The following SPATA18 variants were observed in gnomAD, a reference collection of about 807,000 sequenced individuals.
The protein encoded by SPATA18 is spermatogenesis associated 18, also known as mitochondria-eating protein.
Under a neutral mutation model 68.1 loss-of-function variants are expected in SPATA18, and 54 were observed. The ratio of observed to expected loss-of-function variants is 0.79; its 90% CI spans 0.64 to 0.99. The LOEUF is 0.99. Among genes scored for constraint, SPATA18 ranks in the 50% least tolerant of loss-of-function variants. SPATA18 has a pLI of 0.00. For synonymous variants in SPATA18, 242 were observed against 244.8 expected (o/e 0.99, Z 0.11); for missense variants, 724 against 681.1 (o/e 1.06, Z -0.70).
Position 52,096,010 on chromosome 4 carries a change from A to G in SPATA18, c.*1123A>G, listed in dbSNP as rs1356301986. On this transcript the variant is annotated 3_prime_UTR_variant, in exon 13 of 13. Coordinates refer to ENST00000295213, the MANE Select transcript of SPATA18 (RefSeq NM_145263.4). ...CTTTCTCCACATACCTTTGAGAGAG[A>G]CACTGAATTGGCCTCAGCTCAGTTT... 6.6e-6 allele frequency: 1 copy of G among 152,122 alleles called. No homozygotes were observed. Among genetic ancestry groups the G allele is most frequent in the Admixed American group, 6.6e-5 (1 of 15,240 alleles). The allele number at this position is 152,122 out of a possible 1,614,324, so 9.4% of individuals were successfully genotyped here.
rs755938763 is a variant in SPATA18 at position 52,077,055 on chromosome 4, C to T, written c.1020+15C>T. On this transcript the variant is annotated intron_variant, in intron 7 of 12. Transcript: ENST00000295213. ...TCGCCACAGTGGTATGTGACGCCTGCGGGACTCCCGGCTCCTTAGGGCAGC... is the reference window on the plus strand; with the variant it reads ...TCGCCACAGTGGTATGTGACGCCTGTGGGACTCCCGGCTCCTTAGGGCAGC... 5.1e-6 allele frequency: 8 copies of T among 1,579,030 alleles called. No homozygotes were observed. The African/African-American group carries it at 9.5e-5, about 19-fold the overall frequency.
chr4:52,059,798 T>C (rs1738669129), intron 1 of SPATA18, among the ~76,000 whole-genome samples: 1 of 152,244 alleles, frequency 6.6e-6, no homozygotes, highest in African/African-American at 2.4e-5. Context: ...ATGTTCTCTA[T>C]GCATATATAA....
intron 11 of SPATA18, among the ~76,000 whole-genome samples, chr4:52,093,760 C>A (rs909800304): frequency 5.3e-5 from 8 of 152,204 alleles, no homozygotes; most frequent in African/African-American, 1.9e-4. Context: ...CCTATACCTT[C>A]TCTTTCTTTC....
At chr4:52,065,760 A>C (rs1172107772) in intron 4 of SPATA18, among the ~76,000 whole-genome samples, 4 of 152,202 alleles carry the variant, frequency 2.6e-5, no homozygotes, top group African/African-American at 9.6e-5. Context: ...CTAACCTTGT[A>C]GAGACTGCTT....
In SPATA18 at chr4:52,051,600, A is replaced by C; in HGVS notation, c.-105A>C. The C allele has an allele frequency of 1.8e-5, 19 of 1,083,836 alleles. No homozygotes were observed. Among genetic ancestry groups the C allele is most frequent in the Non-Finnish European group, 2.6e-5 (18 of 705,600 alleles). The allele number at this position is 1,083,836 out of a possible 1,614,324, so 67.1% of individuals were successfully genotyped here. A position where few individuals can be genotyped will look rare whatever the true frequency, so the allele number is the denominator to read the frequency against. ...CCTGCCGCGCTCTGAGCCCCCCAGA[A>C]GAGAACACCCTTCCCGCCATATCAC... On this transcript the variant is annotated 5_prime_UTR_variant, in exon 1 of 13. Coordinates refer to ENST00000295213, the MANE Select transcript of SPATA18 (RefSeq NM_145263.4).
At position 52,077,000 on chromosome 4, in the gene SPATA18, A is replaced by G. The variant is rs1196687998; in HGVS notation, c.980A>G (p.Lys327Arg). 2 of 1,612,186 alleles carry G rather than the reference A, an allele frequency of 1.2e-6. No homozygotes were observed. The highest frequency in any genetic ancestry group is 2.7e-5 in the African/African-American group (2 of 75,010). The change falls in exon 7 of 13, where the codon AAG becomes AGG. Residue 327 changes from lysine to arginine, a missense_variant. Transcript: ENST00000295213. Reference protein sequence around the residue: ...AQCLLRRCIDKAETVQRIIYI... With the variant: ...AQCLLRRCIDRAETVQRIIYI... ...TGCCTGCTGCGGCGCTGCATCGACA[A>G]GGCTGAGACCGTTCAGCGGATCATC...
intron 1 of SPATA18, among the ~76,000 whole-genome samples, chr4:52,055,632 T>C (rs1738271414): frequency 6.6e-6 from 1 of 152,196 alleles, no homozygotes; most frequent in Non-Finnish European, 1.5e-5. Flanking sequence ...TGGTTATCAA[T>C]CTTCATTGCA....
chr4:52,055,769 G>A (rs1281548890), intron 1 of SPATA18, among the ~76,000 whole-genome samples: 1 of 152,136 alleles, frequency 6.6e-6, no homozygotes, highest in East Asian at 1.9e-4. Flanking sequence ...AAACTTCGTG[G>A]CCCTTACCAG....
At chr4:52,068,390 A>G (rs1426166307) in intron 4 of SPATA18, among the ~76,000 whole-genome samples, 3 of 152,230 alleles carry the variant, frequency 2.0e-5, no homozygotes, top group African/African-American at 7.2e-5. Context: ...GATAGAGATG[A>G]ATAAAATAAA....
At chr4:52,081,001 C>T (rs1336240217) in intron 9 of SPATA18, among the ~76,000 whole-genome samples, 1 of 152,166 alleles carries the variant, frequency 6.6e-6, no homozygotes, top group Non-Finnish European at 1.5e-5. Context: ...ATTTTCTTGC[C>T]ATTGTCTTGC....
chr4:52,055,871 G>A (rs749464072), intron 1 of SPATA18, among the ~76,000 whole-genome samples: 1 of 152,070 alleles, frequency 6.6e-6, no homozygotes, highest in Non-Finnish European at 1.5e-5. Context: ...GTTTATCTTA[G>A]ACTCTAAATT....
In SPATA18 at chr4:52,092,053, C is replaced by T. The variant is rs369956097; in HGVS notation, c.1564-2474C>T. Among the ~76,000 whole-genome samples the T allele has an allele frequency of 3.3e-5, 5 of 152,308 alleles. 1 individual carries two copies. The South Asian group carries it at 1.0e-3, about 32-fold the overall frequency. The stretch of plus-strand genomic sequence containing the variant: ...CTCAGCAATGGTGGACACCCCTCCC[C>T]GACCAAGCTTGACCATCCCAGATAG... On this transcript the variant is annotated intron_variant, in intron 11 of 12. Coordinates refer to ENST00000295213, the MANE Select transcript of SPATA18 (RefSeq NM_145263.4).
At chr4:52,091,204 T>C (rs1741915046) in intron 11 of SPATA18, among the ~76,000 whole-genome samples, 2 of 152,024 alleles carry the variant, frequency 1.3e-5, no homozygotes, top group Admixed American at 1.3e-4. Context: ...TTTTTCAAGG[T>C]TCTTAGCTTC....
At chr4:52,063,016 G>T (rs1739017889) in intron 4 of SPATA18, among the ~76,000 whole-genome samples, 1 of 152,156 alleles carries the variant, frequency 6.6e-6, no homozygotes, top group South Asian at 2.1e-4. Context: ...GTGGACTTTG[G>T]GTTTGTACTT....
chr4:52,068,437 T>C (rs1053013301), intron 4 of SPATA18, among the ~76,000 whole-genome samples: 1 of 152,140 alleles, frequency 6.6e-6, no homozygotes, highest in African/African-American at 2.4e-5. Flanking sequence ...GTGAATGCAA[T>C]GAGGTAAATG....
rs780201900 is a variant in SPATA18, at chr4:52,078,877, C to T, written c.1163C>T (p.Ser388Phe). 1 of 1,585,068 alleles carries T rather than the reference C, an allele frequency of 6.3e-7. No homozygotes were observed. The highest frequency in any genetic ancestry group is 8.6e-7 in the Non-Finnish European group (1 of 1,157,162). ...YVICHLDLYD[S>F]QSSVNDVIRA... ...ATTTGTCATCTTGATCTATATGATT[C>T]TCAAAGCAGTGTCAATGTAAGTGTT... Residue 388 changes from serine (S) to phenylalanine (F), a missense_variant, in exon 8 of 13, where the codon TCT (serine) becomes TTT (phenylalanine). Physicochemically the swap from Ser to Phe is radical, Grantham distance 155 (BLOSUM62 -2). Transcript: ENST00000295213.
At chr4:52,087,133 ATTTG>A (rs1246861357) in intron 11 of SPATA18, among the ~76,000 whole-genome samples, 2 of 151,944 alleles carry the variant, frequency 1.3e-5, no homozygotes, top group Non-Finnish European at 2.9e-5. Context: ...TTTCTTGTAA[ATTTG>A]TTTAAGTTCT....
chr4:52,060,255 T>G (rs536977353), intron 1 of SPATA18, among the ~76,000 whole-genome samples, 164 bp from the exon 2 acceptor site: 2 of 152,194 alleles, frequency 1.3e-5, no homozygotes, highest in Non-Finnish European at 2.9e-5. Flanking sequence ...TCTAGTTTTG[T>G]GTCCAGGAGG....
chr4:52,085,530 C>T (rs1372391239), intron 11 of SPATA18, among the ~76,000 whole-genome samples: 8 of 151,998 alleles, frequency 5.3e-5, no homozygotes, highest in Non-Finnish European at 1.2e-4. Flanking sequence ...AAAATAACAG[C>T]AAAAACATCA....
Sources: allele counts gnomAD v4.1 joint callset (sites outside exome capture counted in the v4.1 genomes callset), GRCh38; gene constraint gnomAD v4.1.1; transcripts MANE v1.5; gene names NCBI Gene and HGNC (gene_info 2026-07-23, HGNC 2026-07-21).